USP42: variants seen among roughly 807,000 people sequenced by gnomAD.
The protein encoded by USP42 is ubiquitin specific peptidase 42, also known as ubiquitin carboxyl-terminal hydrolase 42.
A neutral mutation model predicts 113.0 loss-of-function variants in USP42; 23 were observed. The observed-to-expected ratio is 0.20, with a 90% CI of 0.15 to 0.29. The LOEUF is 0.29. Ranked by LOEUF, USP42 falls within the 10% of genes least tolerant of loss-of-function variation. USP42 has a pLI of 1.00. For synonymous variants in USP42, 933 were observed against 699.0 expected, an observed-to-expected ratio of 1.33 and a Z score of -5.28; for missense variants, 2,174 against 1,779.8, an observed-to-expected ratio of 1.22 and a Z score of -3.99.
chr7:6,081,752 G>A, the USP42 span: 1 of 152,224 alleles, frequency 6.6e-6, no homozygotes, highest in Non-Finnish European at 1.5e-5. Context: ...GTGGACTGCG[G>A]GTTCGCTCCG....
chr7:6,156,756 A>G lies in USP42; in HGVS notation c.3644A>G (p.His1215Arg). 1 of 1,536,426 alleles carries G rather than the reference A, an allele frequency of 6.5e-7. No homozygotes were observed. Among genetic ancestry groups the G allele is most frequent in the Non-Finnish European group, 8.7e-7 (1 of 1,146,592 alleles). Residue 1215 changes from histidine (H) to arginine (R), a missense_variant and splice_region_variant, in exon 16 of 18, where the codon CAT becomes CGT. Physicochemically the swap from His to Arg is conservative, Grantham distance 29. Coordinates refer to ENST00000306177, the MANE Select transcript of USP42 (RefSeq NM_032172.3). ...KDKHRDRDSR[H>R]QQDSDLSAAC... ...AATTCTGGCTTTTCCTTCTGCAGGCATCAGCAGGACTCAGACCTCTCAGCA... is the reference window on the plus strand; with the variant it reads ...AATTCTGGCTTTTCCTTCTGCAGGCGTCAGCAGGACTCAGACCTCTCAGCA...
chr7:6,087,441 A>G, the USP42 span, among the ~76,000 whole-genome samples: 2 of 144,220 alleles, frequency 1.4e-5, no homozygotes, highest in Non-Finnish European at 3.0e-5. Context: ...GGCACAAGTG[A>G]TCCTCCCACC....
chr7:6,155,484 C>CAGG (rs770385610), intron 15 of USP42, among the ~76,000 whole-genome samples: 1 of 152,162 alleles, frequency 6.6e-6, no homozygotes. Flanking sequence ...ATAACTCTTC[C>CAGG]AGGAGTAAGC....
chr7:6,133,239 C>T (rs1780947414), intron 3 of USP42, among the ~76,000 whole-genome samples: 1 of 152,180 alleles, frequency 6.6e-6, no homozygotes, highest in Non-Finnish European at 1.5e-5. Context: ...TTCCCAAAAA[C>T]CTCCTTTGTG....
intron 3 of USP42, among the ~76,000 whole-genome samples, chr7:6,129,081 G>C (rs1345806627): frequency 6.6e-6 from 1 of 152,136 alleles, no homozygotes; most frequent in Non-Finnish European, 1.5e-5. Context: ...CACAATGCTG[G>C]GATTACAGGC....
At position 6,161,149 on chromosome 7, in the gene USP42, A is replaced by G. The variant is rs2128532313; in HGVS notation, c.*631A>G. The stretch of plus-strand genomic sequence containing the variant: ...TTTCCCAGTTATGATGAGTATTTAC[A>G]TTATGAATGTATAACCCAGACATGA... On this transcript the variant is annotated 3_prime_UTR_variant, in exon 18 of 18. Coordinates refer to ENST00000306177, the MANE Select transcript of USP42 (RefSeq NM_032172.3). 6.5e-6 allele frequency: 1 copy of G among 152,782 alleles called. No homozygotes were observed. Among genetic ancestry groups the G allele is most frequent in the East Asian group, 1.9e-4 (1 of 5,194 alleles). The allele number at this position is 152,782 out of a possible 1,614,324, so 9.5% of individuals were successfully genotyped here.
the USP42 span, among the ~76,000 whole-genome samples, chr7:6,090,222 C>G: frequency 1.4e-5 from 2 of 146,610 alleles, no homozygotes; most frequent in East Asian, 4.0e-4. Context: ...ATTGCTTGAA[C>G]CCAGGAGGCT....
At chr7:6,106,494 A>G (rs920955797) in intron 1 of USP42, among the ~76,000 whole-genome samples, 1 of 152,226 alleles carries the variant, frequency 6.6e-6, no homozygotes, top group Non-Finnish European at 1.5e-5. Context: ...AGCTTTGAGT[A>G]AGACTAGTAT....
intron 1 of USP42, among the ~76,000 whole-genome samples, chr7:6,108,829 T>G (rs1485512437): frequency 2.0e-5 from 3 of 152,208 alleles, no homozygotes; most frequent in Non-Finnish European, 4.4e-5. Flanking sequence ...CAGAGTTTTT[T>G]AAGGATCAAA....
Position 6,156,842 on chromosome 7 carries a change from T to G in USP42, c.3730T>G (p.Ser1244Ala), listed in dbSNP as rs751479415. The G allele has an allele frequency of 1.2e-6, 2 of 1,609,618 alleles. No individual in the cohort carries two copies. The highest frequency in any genetic ancestry group is 1.7e-6 in the Non-Finnish European group (2 of 1,178,844). The change falls in exon 16 of 18, where the codon TCA (serine) becomes GCA (alanine). Residue 1244 changes from serine to alanine, a missense_variant. Coordinates refer to ENST00000306177, the MANE Select transcript of USP42 (RefSeq NM_032172.3). ...KKKKKKKKRHSRKSEDFVKDS... is the reference protein window; with the variant it reads ...KKKKKKKKRHARKSEDFVKDS... ...AAAGAAGAAGAAAAAGAAGAGACAT[T>G]CAAGAAAATCAGAGGACTTTGTTAA... is the stretch of plus-strand genomic sequence containing the variant.
At chr7:6,131,593 C>G (rs1780854502) in intron 3 of USP42, among the ~76,000 whole-genome samples, 1 of 152,192 alleles carries the variant, frequency 6.6e-6, no homozygotes, top group Non-Finnish European at 1.5e-5. Context: ...CCTTCCTCAT[C>G]CTTTGGCTGG....
At chr7:6,146,373 C>T in intron 11 of USP42, 125 bp downstream of exon 11, 1 of 684,600 alleles carries the variant, frequency 1.5e-6, no homozygotes, top group Non-Finnish European at 2.4e-6. Context: ...TAAAGATCAA[C>T]TCTAGCCTGG....
At chr7:6,152,087 G>C (rs1447003928) in intron 14 of USP42, among the ~76,000 whole-genome samples, 2 of 152,262 alleles carry the variant, frequency 1.3e-5, no homozygotes, top group African/African-American at 2.4e-5. Context: ...TTGGTCAGGA[G>C]TGAGAGGAAG....
In USP42 at chr7:6,139,153, T is replaced by C. The variant is rs1468556453; in HGVS notation, c.615T>C (p.Thr205=). 1.9e-6 allele frequency: 3 copies of C among 1,610,122 alleles called. No individual in the cohort carries two copies. The highest frequency in any genetic ancestry group is 2.7e-5 in the African/African-American group (2 of 74,894). ...QEDAHEFLQY[T]VDAMQKACLN... ...ATGCCCATGAATTCCTTCAATACAC[T>C]GTTGATGCTATGCAGAAAGCATGCT... is the stretch of plus-strand genomic sequence containing the variant. The change falls in exon 5 of 18, where the codon ACT becomes ACC. Residue 205 remains threonine (T), a synonymous_variant. Transcript: ENST00000306177. This position sits in a 1 kb window ranked among gnomAD's most constrained non-coding sequence, Gnocchi z 4.5.
chr7:6,087,570 G>A, the USP42 span, among the ~76,000 whole-genome samples: 1 of 149,408 alleles, frequency 6.7e-6, no homozygotes, highest in Admixed American at 6.6e-5. Context: ...CTCCTGGACT[G>A]AAGCAATCCA....
chr7:6,121,755 C>T (rs1263653231), intron 3 of USP42, among the ~76,000 whole-genome samples: 1 of 152,140 alleles, frequency 6.6e-6, no homozygotes, highest in African/African-American at 2.4e-5. Context: ...GCCTCCACCT[C>T]CTGGGCTCAA....
chr7:6,140,796 A>G (rs2128505107), intron 6 of USP42, 118 bp from the exon 7 acceptor site: 1 of 622,616 alleles, frequency 1.6e-6, no homozygotes, highest in Non-Finnish European at 2.8e-6. Context: ...TGTTCAATTG[A>G]TAGAAAAATT....
intron 3 of USP42, chr7:6,116,868 C>G: frequency 1.9e-6 from 1 of 532,704 alleles, no homozygotes. Context: ...GGATGAAAAC[C>G]CAGCACTAGC....
chr7:6,118,004 C>G (rs1780008452), intron 3 of USP42, among the ~76,000 whole-genome samples: 1 of 151,884 alleles, frequency 6.6e-6, no homozygotes, highest in African/African-American at 2.4e-5. Flanking sequence ...TGGGATTTGT[C>G]TTTTGATTCT....
Sources: allele counts gnomAD v4.1 joint callset (sites outside exome capture counted in the v4.1 genomes callset), GRCh38; gene constraint gnomAD v4.1.1; non-coding constraint Gnocchi (gnomAD v3.1); transcripts MANE v1.5; gene names NCBI Gene and HGNC (gene_info 2026-07-23, HGNC 2026-07-21).